IGF1R: variants seen among roughly 807,000 people sequenced by gnomAD.
IGF1R encodes insulin-like growth factor 1 receptor.
In IGF1R, 44 loss-of-function variants were observed where a neutral mutation model predicts 144.6. That is an observed-to-expected ratio of 0.30 (90% confidence interval 0.24 to 0.39). The LOEUF is 0.39. Among genes scored for constraint, IGF1R ranks in the 10% least tolerant of loss-of-function variants. The pLI, the probability that IGF1R is intolerant of heterozygous loss-of-function variation, is 1.00. For missense variants in IGF1R, 1,355 were observed against 1,833.7 expected (o/e 0.74, Z 4.77); for synonymous variants, 795 against 722.8 (o/e 1.10, Z -1.60).
At chr15:98,844,336 A>G (rs972722371) in intron 2 of IGF1R, among the ~76,000 whole-genome samples, 1 of 152,236 alleles carries the variant, frequency 6.6e-6, no homozygotes, top group African/African-American at 2.4e-5. Flanking sequence ...GTCACAATTT[A>G]TACGTTGGGA....
At chr15:98,836,989 C>T (rs545859419) in intron 2 of IGF1R, among the ~76,000 whole-genome samples, 52 of 152,328 alleles carry the variant, frequency 3.4e-4, no homozygotes, top group Admixed American at 1.2e-3. Context: ...TGGTGCCTGC[C>T]AGGTTTCTCC....
chr15:98,758,028 A>T (rs1196346883), intron 2 of IGF1R, among the ~76,000 whole-genome samples: 1 of 152,058 alleles, frequency 6.6e-6, no homozygotes, highest in African/African-American at 2.4e-5. Flanking sequence ...CATTTCCGCA[A>T]TTTCTGCCGT....
intron 2 of IGF1R, among the ~76,000 whole-genome samples, chr15:98,866,825 G>A (rs1344099949): frequency 6.6e-6 from 1 of 152,200 alleles, no homozygotes; most frequent in Non-Finnish European, 1.5e-5. Flanking sequence ...GAAAGTGAAA[G>A]TTTTAAAAGT....
At chr15:98,853,420 C>CT (rs1361507693) in intron 2 of IGF1R, among the ~76,000 whole-genome samples, 1 of 152,182 alleles carries the variant, frequency 6.6e-6, no homozygotes, top group African/African-American at 2.4e-5. Context: ...TGAGGCTTCT[C>CT]TGTGTCACAG....
intron 2 of IGF1R, among the ~76,000 whole-genome samples, chr15:98,795,531 C>T (rs1030855317): frequency 3.3e-5 from 5 of 152,196 alleles, no homozygotes; most frequent in African/African-American, 1.2e-4. Context: ...TCTCCTGCCT[C>T]AGCCTCCCGA....
chr15:98,771,467 G>A (rs905523020), intron 2 of IGF1R, among the ~76,000 whole-genome samples: 6 of 152,154 alleles, frequency 3.9e-5, no homozygotes, highest in Non-Finnish European at 7.4e-5. Context: ...ACATGTGGAC[G>A]TATTTGAGGA....
intron 1 of IGF1R, among the ~76,000 whole-genome samples, chr15:98,666,505 G>A (rs1315752465): frequency 1.3e-5 from 2 of 152,122 alleles, no homozygotes; most frequent in Non-Finnish European, 2.9e-5. Flanking sequence ...ATAGACGGGT[G>A]GATAAACAAA....
chr15:98,755,347 G>C (rs1185617068), intron 2 of IGF1R, among the ~76,000 whole-genome samples: 1 of 152,042 alleles, frequency 6.6e-6, no homozygotes, highest in African/African-American at 2.4e-5. Flanking sequence ...CAGTCATGTG[G>C]TTTCTTGTTT....
intron 2 of IGF1R, among the ~76,000 whole-genome samples, chr15:98,847,147 T>C (rs569846707): frequency 6.6e-6 from 1 of 152,214 alleles, no homozygotes; most frequent in African/African-American, 2.4e-5. Flanking sequence ...TGGCTATTAT[T>C]TGCATTTTTA....
In IGF1R at chr15:98,649,652, C is replaced by G. The variant is rs1013771934; in HGVS notation, c.71C>G (p.Ser24Trp). 1.1e-5 allele frequency: 18 copies of G among 1,610,432 alleles called. No homozygotes were observed. The highest frequency in any genetic ancestry group is 1.5e-5 in the Non-Finnish European group (18 of 1,178,774). ...CTCCTGTTTCTCTCCGCCGCGCTCT[C>G]GCTCTGGCCGACGAGTGGAGAAAGT... ...WGLLFLSAAL[S>W]LWPTSGEICG... Residue 24 changes from serine (S) to tryptophan (W), a missense_variant, in exon 1 of 21, where the codon TCG becomes TGG. Coordinates refer to ENST00000650285, the MANE Select transcript of IGF1R (RefSeq NM_000875.5).
intron 1 of IGF1R, among the ~76,000 whole-genome samples, chr15:98,680,517 C>T (rs1251151963): frequency 3.3e-5 from 5 of 152,040 alleles, no homozygotes; most frequent in Non-Finnish European, 5.9e-5. Context: ...CCACCCACCT[C>T]GGCCTCCCAA....
intron 2 of IGF1R, among the ~76,000 whole-genome samples, chr15:98,757,488 A>G (rs191403900): frequency 1.3e-5 from 2 of 152,146 alleles, no homozygotes; most frequent in East Asian, 1.9e-4. Flanking sequence ...TAAACTTTTC[A>G]TATTTCCAAG....
intron 2 of IGF1R, among the ~76,000 whole-genome samples, chr15:98,853,470 C>T (rs750098514): frequency 1.5e-4 from 23 of 152,196 alleles, no homozygotes; most frequent in Non-Finnish European, 3.2e-4. Context: ...CAAAATACAG[C>T]ATGTGGCATT....
chr15:98,857,740 G>T (rs2011910203), intron 2 of IGF1R, among the ~76,000 whole-genome samples: 1 of 152,116 alleles, frequency 6.6e-6, no homozygotes. Context: ...ATTTAAATTT[G>T]AATAGCTACA....
intron 1 of IGF1R, among the ~76,000 whole-genome samples, chr15:98,651,958 C>CT (rs2052378646): frequency 6.6e-6 from 1 of 152,214 alleles, no homozygotes; most frequent in Non-Finnish European, 1.5e-5. Context: ...CCACTTAACT[C>CT]TGATAGAAAT....
At position 98,911,360 on chromosome 15, in the gene IGF1R, A is replaced by G; in HGVS notation, c.1508A>G (p.Asn503Ser). 1 of 1,614,204 alleles carries G rather than the reference A, an allele frequency of 6.2e-7. No individual in the cohort carries two copies. The highest frequency in any genetic ancestry group is 2.2e-5 in the East Asian group (1 of 44,882). ...LHFTSTTTSK[N>S]RIIITWHRYR... ...TTCACCTCCACCACCACGTCGAAGA[A>G]TCGCATCATCATAACCTGGCACCGG... The change falls in exon 7 of 21, where the codon AAT (asparagine) becomes AGT (serine). Residue 503 changes from asparagine to serine, a missense_variant. Asn to Ser is a conservative substitution (Grantham distance 46). Coordinates refer to ENST00000650285, the MANE Select transcript of IGF1R (RefSeq NM_000875.5).
intron 2 of IGF1R, among the ~76,000 whole-genome samples, chr15:98,712,906 G>A (rs1214154641): frequency 2.0e-5 from 3 of 148,992 alleles, no homozygotes; most frequent in African/African-American, 7.5e-5. Context: ...CACTGCGCCC[G>A]GCCATCTAGT....
chr15:98,945,666 T>C (rs915391346), intron 19 of IGF1R, among the ~76,000 whole-genome samples: 1 of 152,226 alleles, frequency 6.6e-6, no homozygotes. Flanking sequence ...TCAGAGCTTC[T>C]CTGGCCTTCG....
At chr15:98,941,092 G>A (rs1596474475) in intron 18 of IGF1R, among the ~76,000 whole-genome samples, 1 of 152,242 alleles carries the variant, frequency 6.6e-6, no homozygotes, top group Non-Finnish European at 1.5e-5. Context: ...AGGTGGGCCT[G>A]AGGTGGGCCA....
Sources: allele counts gnomAD v4.1 joint callset (sites outside exome capture counted in the v4.1 genomes callset), GRCh38; gene constraint gnomAD v4.1.1; transcripts MANE v1.5; gene names NCBI Gene and HGNC (gene_info 2026-07-23, HGNC 2026-07-21).